The following IKZF1 variants were observed in gnomAD, a reference collection of about 807,000 sequenced individuals.
The protein encoded by IKZF1 is DNA-binding protein Ikaros.
Under a neutral mutation model 51.7 loss-of-function variants are expected in IKZF1, and 10 were observed. The ratio of observed to expected loss-of-function variants is 0.19; its 90% CI spans 0.12 to 0.33. IKZF1 has a LOEUF of 0.33. Among genes scored for constraint, IKZF1 ranks in the 10% least tolerant of loss-of-function variants. The pLI is 1.00. For missense variants in IKZF1, 484 were observed against 707.5 expected, an observed-to-expected ratio of 0.68 and a Z score of 3.58; for synonymous variants, 280 against 282.3, an observed-to-expected ratio of 0.99 and a Z score of 0.08.
chr7:50,375,705 A>C (rs928448926), intron 3 of IKZF1, among the ~76,000 whole-genome samples: 5,065 of 81,564 alleles, frequency 0.062, no homozygotes, highest in Non-Finnish European at 0.07. Flanking sequence ...TTCACCTCCC[A>C]CCCCCCCCCC....
intron 3 of IKZF1, among the ~76,000 whole-genome samples, chr7:50,335,551 G>A (rs913797514): frequency 2.6e-4 from 38 of 145,772 alleles, no homozygotes; most frequent in Non-Finnish European, 1.7e-4. Flanking sequence ...GTGTGTATGG[G>A]ATGTGTGGTG....
chr7:50,341,686 A>C (rs1165240226), intron 3 of IKZF1, among the ~76,000 whole-genome samples: 2 of 152,266 alleles, frequency 1.3e-5, no homozygotes, highest in Non-Finnish European at 2.9e-5. Flanking sequence ...GTCACATTAA[A>C]AAAGAAAAAT....
intron 1 of IKZF1, among the ~76,000 whole-genome samples, chr7:50,305,783 C>T (rs183031179): frequency 2.0e-5 from 3 of 152,204 alleles, no homozygotes; most frequent in Admixed American, 6.5e-5. Context: ...TGTCTCCTTA[C>T]TAGTCCCATC....
intron 3 of IKZF1, 36 bp downstream of exon 3, chr7:50,327,793 A>G (rs1562750492): frequency 2.6e-6 from 4 of 1,560,768 alleles, no homozygotes; most frequent in Admixed American, 2.0e-5. Flanking sequence ...TGCCTGTGAA[A>G]CCTTTATCTC....
At chr7:50,328,358 TC>T (rs1795616964) in intron 3 of IKZF1, 1 of 152,222 alleles carries the variant, frequency 6.6e-6, no homozygotes, top group South Asian at 2.1e-4. Context: ...TTGGAAAACT[TC>T]ACCCACCCTC....
At chr7:50,304,551 G>T (rs1788305264), upstream of IKZF1, 1 of 150,828 alleles carries the variant, frequency 6.6e-6, no homozygotes, top group African/African-American at 2.4e-5. Context: ...CGCGGGCGGC[G>T]CTGTGCGCGC....
intron 3 of IKZF1, among the ~76,000 whole-genome samples, chr7:50,350,416 G>A (rs1314778853): frequency 6.6e-6 from 1 of 152,168 alleles, no homozygotes; most frequent in African/African-American, 2.4e-5. Context: ...AGCCCATCTG[G>A]GAATTTAGTG....
intron 3 of IKZF1, among the ~76,000 whole-genome samples, chr7:50,331,237 A>C (rs942241154): frequency 1.0e-3 from 152 of 152,282 alleles, no homozygotes; most frequent in African/African-American, 3.5e-3. Context: ...AGCACCAAGG[A>C]TAGAAGAGGG....
intron 3 of IKZF1, among the ~76,000 whole-genome samples, chr7:50,335,253 T>C (rs1170845641): frequency 1.4e-5 from 2 of 147,294 alleles, no homozygotes; most frequent in Non-Finnish European, 1.5e-5. Context: ...GGTGTGTATA[T>C]GTGTTGTGTG....
intron 3 of IKZF1, among the ~76,000 whole-genome samples, chr7:50,361,376 C>T (rs906727272): frequency 3.3e-5 from 5 of 152,010 alleles, no homozygotes; most frequent in African/African-American, 1.2e-4. Flanking sequence ...GTATTTCTTC[C>T]AAAAAAGAGT....
chr7:50,387,282 A>T lies in IKZF1; in HGVS notation c.590-63A>T, dbSNP rs56278999. The T allele has an allele frequency of 0.076, 117,070 of 1,545,254 alleles. 5,003 individuals carry two copies. Among genetic ancestry groups the T allele is most frequent in the South Asian group, 0.14 (11,777 of 82,742 alleles). On this transcript the variant is annotated intron_variant, in intron 5 of 7. Transcript: ENST00000331340. ...TTTTGGTAATAATTGTATTGCATGC[A>T]TTCCCCTTACACAGAAGGCTGGCAT...
chr7:50,357,145 G>A (rs896879633), intron 3 of IKZF1, among the ~76,000 whole-genome samples: 5 of 151,730 alleles, frequency 3.3e-5, no homozygotes, highest in East Asian at 1.9e-4. Flanking sequence ...TGTTATAACC[G>A]ACTCCTTCTT....
intron 3 of IKZF1, among the ~76,000 whole-genome samples, chr7:50,352,585 G>A (rs1221973225): frequency 6.6e-6 from 1 of 152,212 alleles, no homozygotes; most frequent in Admixed American, 6.5e-5. Context: ...ATGTCAATGG[G>A]ACGGGATGGG....
chr7:50,381,528 T>C (rs1811842749), intron 4 of IKZF1, among the ~76,000 whole-genome samples: 1 of 152,250 alleles, frequency 6.6e-6, no homozygotes. Flanking sequence ...AGCATATTTC[T>C]TTTACTCAGA....
rs1186519012 is a variant in IKZF1 at position 50,332,055 on chromosome 7, G to C, written c.160+4298G>C. Among the ~76,000 whole-genome samples the C allele has an allele frequency of 2.0e-5, 3 of 152,266 alleles. No individual in the cohort carries two copies. In the East Asian group the frequency reaches 5.8e-4, roughly 29 times the overall value. On this transcript the variant is annotated intron_variant, in intron 3 of 7. Coordinates refer to ENST00000331340, the MANE Select transcript of IKZF1 (RefSeq NM_006060.6). ...GTGTATGAAACTGTTTAAAGCCGAG[G>C]ATGCACTCAGTGACCTCTTCAGGCA... is the stretch of plus-strand genomic sequence containing the variant.
At chr7:50,338,626 C>T (rs1250615893) in intron 3 of IKZF1, among the ~76,000 whole-genome samples, 4 of 152,214 alleles carry the variant, frequency 2.6e-5, no homozygotes, top group Non-Finnish European at 4.4e-5. Flanking sequence ...AGCTTCCCCT[C>T]CTTTTATGCA....
intron 3 of IKZF1, among the ~76,000 whole-genome samples, chr7:50,330,100 G>A (rs1244212492): frequency 2.0e-5 from 3 of 152,104 alleles, no homozygotes; most frequent in South Asian, 2.1e-4. Context: ...TCCTGCCCTC[G>A]GTCCCAGCTG....
chr7:50,346,368 G>A lies in IKZF1; in HGVS notation c.160+18611G>A, dbSNP rs560506446. ...GTTACAAAAGCCCTGAACTAAATCT[G>A]CTTGTCTCTAAAGCCAGCCCTGCAG... On this transcript the variant is annotated intron_variant, in intron 3 of 7. Transcript: ENST00000331340. Among the ~76,000 whole-genome samples the A allele has an allele frequency of 3.2e-4, 49 of 152,300 alleles. 2 individuals carry two copies. The South Asian group carries it at 0.01, about 32-fold the overall frequency.
At chr7:50,364,449 A>C (rs1806216910) in intron 3 of IKZF1, among the ~76,000 whole-genome samples, 1 of 152,190 alleles carries the variant, frequency 6.6e-6, no homozygotes, top group Admixed American at 6.5e-5. Context: ...ACTGAGAAAA[A>C]AAGTTTGACA....
Sources: allele counts gnomAD v4.1 joint callset (sites outside exome capture counted in the v4.1 genomes callset), GRCh38; gene constraint gnomAD v4.1.1; transcripts MANE v1.5; gene names NCBI Gene and HGNC (gene_info 2026-07-23, HGNC 2026-07-21).